PIP4K2A: variants seen among roughly 807,000 people sequenced by gnomAD.
PIP4K2A encodes phosphatidylinositol-5-phosphate 4-kinase type 2 alpha.
Under a neutral mutation model 42.9 loss-of-function variants are expected in PIP4K2A, and 14 were observed. The ratio of observed to expected loss-of-function variants is 0.33; its 90% CI spans 0.22 to 0.51. PIP4K2A has a LOEUF of 0.51. Ranked by LOEUF, PIP4K2A falls within the 20% of genes least tolerant of loss-of-function variation. PIP4K2A has a pLI of 0.97. For missense variants in PIP4K2A, 434 were observed against 519.8 expected, an observed-to-expected ratio of 0.83 and a Z score of 1.61; for synonymous variants, 192 against 192.2, an observed-to-expected ratio of 1.00 and a Z score of 0.01.
At chr10:22,622,311 G>A (rs114391768) in intron 1 of PIP4K2A, among the ~76,000 whole-genome samples, 1,590 of 152,304 alleles carry the variant, frequency 0.01, 26 homozygotes, top group African/African-American at 0.033. Flanking sequence ...AAGACGGTGC[G>A]CTGCCTGTTG....
At chr10:22,571,661 T>C (rs764608632) in intron 5 of PIP4K2A, among the ~76,000 whole-genome samples, 10 of 152,242 alleles carry the variant, frequency 6.6e-5, no homozygotes, top group South Asian at 2.1e-4. Context: ...GATTTCATAA[T>C]GTAACTAAGC....
intron 5 of PIP4K2A, chr10:22,568,868 C>T: frequency 6.5e-6 from 4 of 614,946 alleles, no homozygotes; most frequent in Non-Finnish European, 1.2e-5. Flanking sequence ...AATCACAGGC[C>T]AATTTCCTGG....
chr10:22,547,474 C>A (rs530450701), intron 7 of PIP4K2A, among the ~76,000 whole-genome samples: 11 of 152,252 alleles, frequency 7.2e-5, no homozygotes, highest in African/African-American at 2.6e-4. Context: ...AGGGGCAGGA[C>A]CACTGTCAAG....
chr10:22,547,762 C>T (rs549311893), intron 7 of PIP4K2A, among the ~76,000 whole-genome samples: 2 of 152,274 alleles, frequency 1.3e-5, no homozygotes, highest in South Asian at 2.1e-4. Context: ...AAACACAGGG[C>T]AGAAGGCAAA....
chr10:22,689,113 G>A (rs1564468337), intron 1 of PIP4K2A, among the ~76,000 whole-genome samples: 1 of 152,124 alleles, frequency 6.6e-6, no homozygotes, highest in Non-Finnish European at 1.5e-5. Flanking sequence ...TCAGGAGCTA[G>A]GGTGTCGGAG....
chr10:22,656,644 A>C (rs1280070387), intron 1 of PIP4K2A, among the ~76,000 whole-genome samples: 1 of 152,086 alleles, frequency 6.6e-6, no homozygotes, highest in Non-Finnish European at 1.5e-5. Flanking sequence ...CTAAAAGTAA[A>C]AAATTTGCTG....
At chr10:22,600,530 A>G (rs550666651) in intron 3 of PIP4K2A, among the ~76,000 whole-genome samples, 8 of 152,156 alleles carry the variant, frequency 5.3e-5, no homozygotes, top group Non-Finnish European at 1.0e-4. Flanking sequence ...TGAAGATCCA[A>G]GACTCAACCA....
At chr10:22,693,011 G>C (rs1022428946) in intron 1 of PIP4K2A, among the ~76,000 whole-genome samples, 33 of 152,260 alleles carry the variant, frequency 2.2e-4, no homozygotes, top group Admixed American at 3.9e-4. Context: ...TTTTGCCTTG[G>C]CTTTCATGGG....
At chr10:22,680,365 T>G (rs1340191860) in intron 1 of PIP4K2A, among the ~76,000 whole-genome samples, 1 of 152,202 alleles carries the variant, frequency 6.6e-6, no homozygotes, top group Admixed American at 6.5e-5. Context: ...GTAATTTAAA[T>G]ATTGTGCTTT....
At chr10:22,706,758 A>G (rs185717929) in intron 1 of PIP4K2A, among the ~76,000 whole-genome samples, 27 of 152,336 alleles carry the variant, frequency 1.8e-4, no homozygotes, top group Admixed American at 2.6e-4. Context: ...CTGACACTTC[A>G]AAGAACCTAA....
chr10:22,617,724 G>A (rs957169638), intron 1 of PIP4K2A, among the ~76,000 whole-genome samples: 2 of 152,140 alleles, frequency 1.3e-5, no homozygotes, highest in Admixed American at 6.5e-5. Flanking sequence ...GTGGCAGGGG[G>A]CCTGGAGGGG....
chr10:22,612,113 A>C (rs930742666), intron 1 of PIP4K2A, among the ~76,000 whole-genome samples: 3 of 152,248 alleles, frequency 2.0e-5, no homozygotes, highest in African/African-American at 7.2e-5. Flanking sequence ...TGGAATGAGT[A>C]AACTGAGAAT....
At chr10:22,695,006 G>C (rs1358454515) in intron 1 of PIP4K2A, among the ~76,000 whole-genome samples, 1 of 152,140 alleles carries the variant, frequency 6.6e-6, no homozygotes, top group African/African-American at 2.4e-5. Flanking sequence ...ATTTGGATCC[G>C]TGTATCTTTG....
chr10:22,645,584 A>T (rs1838863397), intron 1 of PIP4K2A, among the ~76,000 whole-genome samples: 1 of 151,720 alleles, frequency 6.6e-6, no homozygotes, highest in Non-Finnish European at 1.5e-5. Context: ...AAGAAAAGAA[A>T]GAAAAAGATT....
intron 1 of PIP4K2A, among the ~76,000 whole-genome samples, chr10:22,631,121 G>A (rs1838537680): frequency 6.6e-6 from 1 of 152,126 alleles, no homozygotes; most frequent in Non-Finnish European, 1.5e-5. Context: ...TGTATTGATG[G>A]TCAATACAGA....
chr10:22,539,893 G>C (rs191992912), intron 9 of PIP4K2A, 78 bp downstream of exon 9: 7 of 629,624 alleles, frequency 1.1e-5, no homozygotes, highest in Admixed American at 9.5e-5. Context: ...CCAGGAGAGA[G>C]AGAGAGAGAG....
intron 1 of PIP4K2A, among the ~76,000 whole-genome samples, chr10:22,673,558 T>C (rs968063324): frequency 6.6e-5 from 10 of 152,062 alleles, no homozygotes; most frequent in African/African-American, 2.4e-4. Flanking sequence ...AATTTAAACA[T>C]ACACCACACA....
At chr10:22,625,108 G>A (rs991231237) in intron 1 of PIP4K2A, among the ~76,000 whole-genome samples, 2 of 152,092 alleles carry the variant, frequency 1.3e-5, no homozygotes, top group African/African-American at 2.4e-5. Flanking sequence ...TAATAATTTC[G>A]TATGATTTAG....
chr10:22,549,893 C>CT (rs1836360016), intron 7 of PIP4K2A, among the ~76,000 whole-genome samples: 1 of 145,578 alleles, frequency 6.9e-6, no homozygotes, highest in African/African-American at 2.5e-5. Flanking sequence ...AGAAAATAAC[C>CT]TTTTTTTCCT....
Sources: allele counts gnomAD v4.1 joint callset (sites outside exome capture counted in the v4.1 genomes callset), GRCh38; gene constraint gnomAD v4.1.1; transcripts MANE v1.5; gene names NCBI Gene and HGNC (gene_info 2026-07-23, HGNC 2026-07-21).